The following CC2D2B variants were observed in gnomAD, a reference collection of about 807,000 sequenced individuals.
CC2D2B encodes the protein protein CC2D2B.
Under a neutral mutation model 161.2 loss-of-function variants are expected in CC2D2B, and 128 were observed. The ratio of observed to expected loss-of-function variants is 0.79; its 90% CI spans 0.69 to 0.92. The LOEUF is 0.92. Among genes scored for constraint, CC2D2B ranks in the 40% least tolerant of loss-of-function variants. The probability of loss-of-function intolerance (pLI) is 0.00; values close to 1 mark genes in which losing one functional copy is unlikely to be tolerated. For synonymous variants in CC2D2B, 391 were observed against 449.8 expected (o/e 0.87, Z 1.65); for missense variants, 1,173 against 1,375.1 (o/e 0.85, Z 2.32).
At chr10:95,921,511 C>A (rs2098527124) in intron 2 of CC2D2B, 1 of 152,202 alleles carries the variant, frequency 6.6e-6, no homozygotes, top group Non-Finnish European at 1.5e-5. Flanking sequence ...TGTGAAGGTG[C>A]TTCTTATGTG....
chr10:95,927,463 A>AATAAT, intron 6 of CC2D2B, 131 bp downstream of exon 6: 2 of 621,098 alleles, frequency 3.2e-6, no homozygotes, highest in Non-Finnish European at 5.8e-6. Context: ...TCTTTGAATT[A>AATAAT]AGAAGCTGTT....
At chr10:95,967,983 T>A (rs1382774203) in intron 14 of CC2D2B, among the ~76,000 whole-genome samples, 2 of 152,218 alleles carry the variant, frequency 1.3e-5, no homozygotes, top group African/African-American at 4.8e-5. Flanking sequence ...ATTAGATCAG[T>A]TCTCTTGCCA....
At position 96,032,072 on chromosome 10, in the gene CC2D2B, G is replaced by A. The variant is rs866243444; in HGVS notation, c.*64G>A. 5.5e-6 allele frequency: 7 copies of A among 1,264,022 alleles called. No individual in the cohort carries two copies. In the East Asian group the frequency reaches 1.5e-4, roughly 27 times the overall value. The allele number at this position is 1,264,022 out of a possible 1,614,324, so 78.3% of individuals were successfully genotyped here. A position where few individuals can be genotyped will look rare whatever the true frequency, so the allele number is the denominator to read the frequency against. On this transcript the variant is annotated 3_prime_UTR_variant, in exon 35 of 35. Coordinates refer to ENST00000646931, the MANE Select transcript of CC2D2B (RefSeq NM_001349008.3). Reference sequence around the variant, plus strand: ...CTCTAGTACCAACAAAAACTTTTCTGGTACCTTGAGATTTTGCTGTTTATT... The same window carrying A: ...CTCTAGTACCAACAAAAACTTTTCTAGTACCTTGAGATTTTGCTGTTTATT...
rs570027283 is a variant in CC2D2B, at chr10:95,999,227, G to A, written c.2849+2975G>A. On this transcript the variant is annotated intron_variant, in intron 24 of 34. Transcript: ENST00000646931. ...TATAGTTGGAATCATACAGTATGGAGCCATTTCAGATTGGCTTTCTTCCAT... is the reference window on the plus strand; with the variant it reads ...TATAGTTGGAATCATACAGTATGGAACCATTTCAGATTGGCTTTCTTCCAT... Among the ~76,000 whole-genome samples, 128 of 152,280 alleles carry A rather than the reference G, an allele frequency of 8.4e-4. 1 individual carries two copies. The highest frequency in any genetic ancestry group is 2.8e-3 in the African/African-American group (118 of 41,544).
rs1397026551 is a variant in CC2D2B, at chr10:95,938,221, C to T, written c.535+32C>T. 5.1e-6 allele frequency: 7 copies of T among 1,383,456 alleles called. No individual in the cohort carries two copies. The Admixed American group carries it at 1.0e-4, about 20-fold the overall frequency. 85.7% of individuals were successfully genotyped at this position (1,383,456 alleles called of 1,614,324 possible). A position where few individuals can be genotyped will look rare whatever the true frequency, so the allele number is the denominator to read the frequency against. ...TTCTTTCCCAGTAAAATATTCAAGT[C>T]ATTAACGAATTATGTTATGGGATAA... On this transcript the variant is annotated intron_variant, in intron 7 of 34. Coordinates refer to ENST00000646931, the MANE Select transcript of CC2D2B (RefSeq NM_001349008.3).
intron 15 of CC2D2B, among the ~76,000 whole-genome samples, chr10:95,970,304 G>C (rs1564628139): frequency 1.3e-5 from 2 of 152,172 alleles, no homozygotes; most frequent in African/African-American, 4.8e-5. Context: ...AAAGTGCTGG[G>C]ATTGCAGGCA....
chr10:95,916,208 T>C (rs1566306732), intron 2 of CC2D2B, among the ~76,000 whole-genome samples: 1 of 152,124 alleles, frequency 6.6e-6, no homozygotes. Flanking sequence ...TAGTAGCCTC[T>C]AATGGATCCT....
At chr10:95,949,811 A>T (rs990083584) in intron 9 of CC2D2B, 85 bp from the exon 10 acceptor site, 2 of 397,046 alleles carry the variant, frequency 5.0e-6, no homozygotes, top group African/African-American at 4.1e-5. Flanking sequence ...TACAATTGAA[A>T]TGTTACTTTT....
At chr10:95,972,954 T>G (rs1229309063) in intron 16 of CC2D2B, among the ~76,000 whole-genome samples, 2 of 151,986 alleles carry the variant, frequency 1.3e-5, no homozygotes, top group Non-Finnish European at 2.9e-5. Flanking sequence ...AGAAGGGATG[T>G]TTCTGTTAGT....
chr10:96,014,993 C>T (rs1304096822), intron 29 of CC2D2B, among the ~76,000 whole-genome samples: 1 of 152,092 alleles, frequency 6.6e-6, no homozygotes, highest in Non-Finnish European at 1.5e-5. Flanking sequence ...CTCTATAGCT[C>T]CCCACCCCTT....
intron 24 of CC2D2B, among the ~76,000 whole-genome samples, chr10:96,003,559 C>T (rs1392464115): frequency 6.0e-5 from 9 of 150,924 alleles, no homozygotes; most frequent in Non-Finnish European, 8.8e-5. Flanking sequence ...GCTGGGATTA[C>T]AACCGCCTGC....
chr10:95,932,509 G>A (rs2075643257), intron 6 of CC2D2B, among the ~76,000 whole-genome samples: 1 of 152,152 alleles, frequency 6.6e-6, no homozygotes, highest in Non-Finnish European at 1.5e-5. Flanking sequence ...TTTTTGCAGT[G>A]GCTGATGCTG....
intron 11 of CC2D2B, among the ~76,000 whole-genome samples, chr10:95,957,469 G>C (rs1031392658): frequency 6.6e-6 from 1 of 151,478 alleles, no homozygotes; most frequent in African/African-American, 2.4e-5. Flanking sequence ...CATACCCAGG[G>C]AAAGGCATCA....
intron 15 of CC2D2B, among the ~76,000 whole-genome samples, chr10:95,970,376 T>C (rs572863202): frequency 6.6e-6 from 1 of 152,292 alleles, no homozygotes; most frequent in African/African-American, 2.4e-5. Flanking sequence ...ATTCATCACT[T>C]CAGCCAAACT....
chr10:95,993,907 T>G (rs1223249228), intron 22 of CC2D2B, among the ~76,000 whole-genome samples: 1 of 1,504 alleles, frequency 6.6e-4, no homozygotes, highest in African/African-American at 3.1e-3. Context: ...AGAATGTGTG[T>G]GTGTGTGTGT....
At chr10:95,914,563 G>C (rs1427353000) in intron 2 of CC2D2B, among the ~76,000 whole-genome samples, 1 of 152,100 alleles carries the variant, frequency 6.6e-6, no homozygotes, top group African/African-American at 2.4e-5. Flanking sequence ...TCACGGGAGT[G>C]GTTTCCCCCA....
intron 25 of CC2D2B, among the ~76,000 whole-genome samples, chr10:96,008,403 A>C (rs2078850591): frequency 6.6e-6 from 1 of 152,042 alleles, no homozygotes; most frequent in South Asian, 2.1e-4. Flanking sequence ...AAGTCCTTTT[A>C]TAGACAAATG....
At chr10:95,944,572 G>A (rs2076132162) in intron 9 of CC2D2B, among the ~76,000 whole-genome samples, 1 of 152,146 alleles carries the variant, frequency 6.6e-6, no homozygotes, top group Admixed American at 6.6e-5. Context: ...TTGCTTTTAG[G>A]AGAGAGGCCT....
rs2078878239 is a variant in CC2D2B at position 96,009,079 on chromosome 10, ATGGTTTGAC to A, written c.2947-743_2947-735del. On this transcript the variant is annotated intron_variant, in intron 25 of 34. Coordinates refer to ENST00000646931, the MANE Select transcript of CC2D2B (RefSeq NM_001349008.3). ...CTGATTATATTTCTTGTTTTTAAAT[ATGGTTTGAC>A]TGTTATAAATATAGTGACTCGGCTT... Among the ~76,000 whole-genome samples the A allele has an allele frequency of 3.9e-5, 6 of 152,184 alleles. No homozygotes were observed. In the South Asian group the frequency reaches 1.0e-3, roughly 26 times the overall value.
Sources: allele counts gnomAD v4.1 joint callset (sites outside exome capture counted in the v4.1 genomes callset), GRCh38; gene constraint gnomAD v4.1.1; transcripts MANE v1.5; gene names NCBI Gene and HGNC (gene_info 2026-07-23, HGNC 2026-07-21).